The following PRKD3 variants were observed in gnomAD, a reference collection of about 807,000 sequenced individuals.
PRKD3 encodes serine/threonine-protein kinase D3.
Under a neutral mutation model 99.2 loss-of-function variants are expected in PRKD3, and 47 were observed. The ratio of observed to expected loss-of-function variants is 0.47; its 90% CI spans 0.38 to 0.60. The LOEUF is 0.60. Among genes scored for constraint, PRKD3 ranks in the 20% least tolerant of loss-of-function variants. The pLI is 0.00. For missense variants in PRKD3, 1,019 were observed against 1,088.4 expected, an observed-to-expected ratio of 0.94 and a Z score of 0.90; for synonymous variants, 392 against 355.4, an observed-to-expected ratio of 1.10 and a Z score of -1.16.
intron 2 of PRKD3, among the ~76,000 whole-genome samples, chr2:37,315,917 G>A (rs1010247730): frequency 1.3e-5 from 2 of 152,178 alleles, no homozygotes; most frequent in South Asian, 2.1e-4. Flanking sequence ...TAGAGATGGC[G>A]TTTCAACATG....
chr2:37,256,545 G>A, intron 17 of PRKD3, 117 bp downstream of exon 17: 1 of 1,260,308 alleles, frequency 7.9e-7, no homozygotes, highest in Middle Eastern at 2.8e-4. Flanking sequence ...AAGATGAATG[G>A]GAGATGTACT....
chr2:37,294,429 A>AAC (rs1670587374), intron 2 of PRKD3, among the ~76,000 whole-genome samples: 1 of 152,208 alleles, frequency 6.6e-6, no homozygotes, highest in Non-Finnish European at 1.5e-5. Context: ...AATTAAAAAA[A>AAC]AATTAAAAAC....
intron 5 of PRKD3, 30 bp downstream of exon 5, chr2:37,289,326 C>G (rs1454996559): frequency 6.2e-7 from 1 of 1,606,746 alleles, no homozygotes; most frequent in Admixed American, 1.7e-5. Context: ...ATAACTACTA[C>G]TAAAATGTCT....
At chr2:37,253,430 T>C (rs530498557) in intron 18 of PRKD3, 80 bp from the exon 19 acceptor site, 17 of 1,298,554 alleles carry the variant, frequency 1.3e-5, no homozygotes, top group Non-Finnish European at 1.6e-5. Context: ...TGTTTTTTTT[T>C]GTTGTTGTTT....
chr2:37,311,284 C>T (rs1348539469), intron 2 of PRKD3, among the ~76,000 whole-genome samples: 2 of 152,162 alleles, frequency 1.3e-5, no homozygotes, highest in African/African-American at 4.8e-5. Flanking sequence ...TGACAGCTCT[C>T]CTTCCTGAGT....
rs74863107 is a variant in PRKD3, at chr2:37,320,106, T to C, written c.-655-2927A>G. On this transcript the variant is annotated intron_variant, in intron 1 of 18. Transcript: ENST00000234179. ...AAACACATAAAGTGAGATATGATAC[T>C]TTATTAAATCCTTGCAACAACTCTA... Among the ~76,000 whole-genome samples the C allele has an allele frequency of 4.5e-3, 687 of 152,354 alleles. 5 individuals are homozygous for C. Among genetic ancestry groups the C allele is most frequent in the African/African-American group, 0.016 (654 of 41,570 alleles).
At position 37,316,247 on chromosome 2, in the gene PRKD3, A is replaced by C. The variant is rs1187523036; in HGVS notation, c.278T>G (p.Val93Gly). The change falls in exon 2 of 19, where the codon GTT becomes GGT. Residue 93 changes from valine (V) to glycine (G), a missense_variant. Val to Gly is a moderately radical substitution (Grantham distance 109). This residue lies in a region of PRKD3 where 710 missense variants were observed against 692.7 expected (regional missense o/e 1.02). Transcript: ENST00000234179. ...TAGCACACACAGTACCTTTTGATAAACTATGGAGCACACAAGATCCTTGAC... is the reference window on the plus strand; with the variant it reads ...TAGCACACACAGTACCTTTTGATAACCTATGGAGCACACAAGATCCTTGAC... ...SAVKDLVCSIVYQKFPECGFF... is the reference protein window; with the variant it reads ...SAVKDLVCSIGYQKFPECGFF... 6.2e-7 allele frequency: 1 copy of C among 1,611,830 alleles called. No individual in the cohort carries two copies. Among genetic ancestry groups the C allele is most frequent in the African/African-American group, 1.3e-5 (1 of 74,880 alleles).
chr2:37,260,495 TAAAC>T (rs1243016806), intron 14 of PRKD3, 111 bp from the exon 15 acceptor site: 7 of 973,458 alleles, frequency 7.2e-6, no homozygotes, highest in Admixed American at 2.7e-5. Context: ...CCTAGAGAAG[TAAAC>T]AAAGCAAACA....
intron 2 of PRKD3, among the ~76,000 whole-genome samples, chr2:37,309,717 G>A (rs1671332523): frequency 6.6e-6 from 1 of 151,942 alleles, no homozygotes; most frequent in South Asian, 2.1e-4. Flanking sequence ...GTGTGGTGGT[G>A]CGTGCCTATA....
chr2:37,263,394 A>G (rs1456718378), intron 14 of PRKD3, among the ~76,000 whole-genome samples: 1 of 152,190 alleles, frequency 6.6e-6, no homozygotes, highest in African/African-American at 2.4e-5. Context: ...TTAATGAGGC[A>G]TTCTTTGTTT....
chr2:37,253,420 T>TG (rs1667673371), intron 18 of PRKD3, 70 bp from the exon 19 acceptor site: 3 of 1,374,844 alleles, frequency 2.2e-6, no homozygotes, highest in Admixed American at 2.3e-5. Flanking sequence ...TTTTGTTTTG[T>TG]GTTTTTTTTT....
At chr2:37,300,400 G>A (rs1393189413) in intron 2 of PRKD3, among the ~76,000 whole-genome samples, 2 of 152,126 alleles carry the variant, frequency 1.3e-5, no homozygotes, top group Admixed American at 1.3e-4. Context: ...GGGAATAAAA[G>A]GGTTGGTTAA....
intron 2 of PRKD3, among the ~76,000 whole-genome samples, chr2:37,294,292 C>A (rs1227633832): frequency 6.6e-6 from 1 of 152,084 alleles, no homozygotes; most frequent in African/African-American, 2.4e-5. Context: ...ACAGGGGTCT[C>A]GCTGTGTGGC....
intron 2 of PRKD3, among the ~76,000 whole-genome samples, chr2:37,315,707 T>A (rs1322223075): frequency 6.6e-6 from 1 of 152,200 alleles, no homozygotes; most frequent in Non-Finnish European, 1.5e-5. Context: ...ACTTTAAAGC[T>A]AAAATAAATG....
chr2:37,288,081 A>C lies in PRKD3; in HGVS notation c.717+1275T>G, dbSNP rs1398583427. ...GTTCAAGATAAAATATAAACTAATG[A>C]AAAATGTAACACCTTATCCACTTGC... On this transcript the variant is annotated intron_variant, in intron 5 of 18. Transcript: ENST00000234179. 2.0e-5 allele frequency among the ~76,000 whole-genome samples: 3 copies of C among 152,188 alleles called. No homozygotes were observed. The East Asian group carries it at 5.8e-4, about 29-fold the overall frequency.
intron 2 of PRKD3, among the ~76,000 whole-genome samples, chr2:37,310,059 A>T (rs1432593697): frequency 6.6e-6 from 1 of 152,212 alleles, no homozygotes; most frequent in African/African-American, 2.4e-5. Context: ...ACCTATTCAG[A>T]TCAAGGAAGG....
intron 4 of PRKD3, among the ~76,000 whole-genome samples, chr2:37,290,071 G>A (rs1363986589): frequency 1.3e-5 from 2 of 152,090 alleles, no homozygotes; most frequent in African/African-American, 2.4e-5. Context: ...AGACCATATG[G>A]CCAACAAAGT....
intron 6 of PRKD3, 73 bp downstream of exon 6, chr2:37,286,103 TA>T: frequency 8.2e-7 from 1 of 1,220,152 alleles, no homozygotes; most frequent in Non-Finnish European, 1.1e-6. Context: ...GCTTCTGAAA[TA>T]TAAATATTTT....
At chr2:37,257,042 T>C in intron 16 of PRKD3, 113 bp from the exon 17 acceptor site, 2 of 1,144,648 alleles carry the variant, frequency 1.7e-6, no homozygotes, top group Admixed American at 2.2e-5. Flanking sequence ...GCTCTACTGA[T>C]TATGAATATT....
Sources: allele counts gnomAD v4.1 joint callset (sites outside exome capture counted in the v4.1 genomes callset), GRCh38; gene constraint gnomAD v4.1.1; regional missense constraint gnomAD v4.1.1; transcripts MANE v1.5; gene names NCBI Gene and HGNC (gene_info 2026-07-23, HGNC 2026-07-21).